CPED1: variants seen among roughly 807,000 people sequenced by gnomAD.
CPED1 encodes cadherin-like and PC-esterase domain-containing protein 1.
CPED1 carries 114 observed loss-of-function variants against 128.2 expected under a neutral mutation model. The observed-to-expected ratio is 0.89, with a 90% CI of 0.76 to 1.04. The LOEUF (loss-of-function observed/expected upper bound fraction) is 1.04. Ranked by LOEUF, CPED1 falls within the 50% of genes least tolerant of loss-of-function variation. The pLI, the probability that CPED1 is intolerant of heterozygous loss-of-function variation, is 0.00. For synonymous variants in CPED1, 462 were observed against 426.7 expected (o/e 1.08, Z -1.02); for missense variants, 1,211 against 1,207.1 (o/e 1.00, Z -0.05).
chr7:121,250,518 T>C lies in CPED1; in HGVS notation c.2310+6180T>C, dbSNP rs999805414. On this transcript the variant is annotated intron_variant, in intron 18 of 22. Transcript: ENST00000310396. ...GAGACACAAAAAACCCTTCAAAAAA[T>C]CAGTGAATCCAGGAGCTGGTTTTTT... 1.8e-4 allele frequency among the ~76,000 whole-genome samples: 28 copies of C among 152,018 alleles called. 1 individual carries two copies. Among genetic ancestry groups the C allele is most frequent in the Non-Finnish European group, 3.4e-4 (23 of 68,014 alleles).
At chr7:121,007,000 C>G (rs1470892219) in intron 2 of CPED1, among the ~76,000 whole-genome samples, 3 of 152,108 alleles carry the variant, frequency 2.0e-5, no homozygotes. Context: ...ACAATGAACA[C>G]CAGGCACAGG....
intron 22 of CPED1, among the ~76,000 whole-genome samples, chr7:121,293,242 C>T (rs1163827300): frequency 1.3e-5 from 2 of 152,174 alleles, no homozygotes; most frequent in African/African-American, 4.8e-5. Context: ...TCTAGAGAAG[C>T]AGACTGGCAC....
At chr7:121,126,732 G>A (rs798950) in intron 9 of CPED1, among the ~76,000 whole-genome samples, 120,852 of 151,754 alleles carry the variant, frequency 0.8, 48,776 homozygotes, top group East Asian at 0.96. Context: ...TTTTTTCATT[G>A]TTTTGCATGC....
chr7:121,055,573 T>C (rs1050127721), intron 4 of CPED1, among the ~76,000 whole-genome samples: 1 of 149,690 alleles, frequency 6.7e-6, no homozygotes, highest in African/African-American at 2.4e-5. Context: ...ATTATATGTG[T>C]AAAAATATAG....
At chr7:121,143,637 G>A (rs926135018) in intron 16 of CPED1, among the ~76,000 whole-genome samples, 71 of 151,994 alleles carry the variant, frequency 4.7e-4, no homozygotes, top group African/African-American at 1.6e-3. Flanking sequence ...TTGTATATTT[G>A]TGTATATTTG....
intron 16 of CPED1, among the ~76,000 whole-genome samples, chr7:121,197,118 CTTTTT>C (rs33936909): frequency 2.3e-5 from 3 of 128,404 alleles, no homozygotes; most frequent in African/African-American, 5.7e-5. Flanking sequence ...TAAAAATAAT[CTTTTT>C]TTTTTTTTTT....
At chr7:121,285,764 A>G (rs973711109) in intron 22 of CPED1, among the ~76,000 whole-genome samples, 2 of 152,152 alleles carry the variant, frequency 1.3e-5, no homozygotes, top group African/African-American at 4.8e-5. Flanking sequence ...GGAAGTTCCA[A>G]ACTTTCCCAT....
At chr7:121,000,807 T>C (rs897955630) in intron 2 of CPED1, among the ~76,000 whole-genome samples, 2 of 152,160 alleles carry the variant, frequency 1.3e-5, no homozygotes, top group African/African-American at 2.4e-5. Context: ...TTGGTCCAAA[T>C]TCCAGCTTTA....
chr7:120,990,388 A>G (rs919926385), intron 2 of CPED1, among the ~76,000 whole-genome samples: 5 of 152,200 alleles, frequency 3.3e-5, no homozygotes, highest in African/African-American at 1.2e-4. Context: ...AAGCATTAAA[A>G]TAATAGGATA....
At chr7:121,175,958 T>G in intron 16 of CPED1, among the ~76,000 whole-genome samples, 1 of 151,912 alleles carries the variant, frequency 6.6e-6, no homozygotes, top group East Asian at 1.9e-4. Context: ...AGAGAAACAG[T>G]GGCAGCAGGG....
intron 5 of CPED1, among the ~76,000 whole-genome samples, chr7:121,076,360 G>T (rs377009801): frequency 6.6e-6 from 1 of 152,098 alleles, no homozygotes; most frequent in Non-Finnish European, 1.5e-5. Context: ...TTTTAATATT[G>T]TCCATAAACT....
chr7:121,176,075 G>A (rs1456155815), intron 16 of CPED1, among the ~76,000 whole-genome samples: 1 of 151,394 alleles, frequency 6.6e-6, no homozygotes, highest in Non-Finnish European at 1.5e-5. Flanking sequence ...TAAATTACTT[G>A]AGGAATTAGT....
rs143232980 is a variant in CPED1 at position 121,259,253 on chromosome 7, A to C, written c.2311-6974A>C. Among the ~76,000 whole-genome samples the C allele has an allele frequency of 1.5e-3, 232 of 152,176 alleles. 3 individuals carry two copies. In the East Asian group the frequency reaches 0.036, roughly 24 times the overall value. ...TTCTAGTAATTTTGACCAGGAATCTAACCACACTTAATGGCCTGTGAGCAG... is the reference window on the plus strand; with the variant it reads ...TTCTAGTAATTTTGACCAGGAATCTCACCACACTTAATGGCCTGTGAGCAG... On this transcript the variant is annotated intron_variant, in intron 18 of 22. Transcript: ENST00000310396.
rs556479840 is a variant in CPED1, at chr7:121,068,432, T to C, written c.616+4119T>C. Among the ~76,000 whole-genome samples, 318 of 152,006 alleles carry C rather than the reference T, an allele frequency of 2.1e-3. 3 individuals are homozygous for C. The highest frequency in any genetic ancestry group is 0.015 in the East Asian group (79 of 5,158). On this transcript the variant is annotated intron_variant, in intron 5 of 22. Transcript: ENST00000310396. ...CAAAGATCAGATAGTTGTAGATATG[T>C]GGCATTATTTCTGAGGGCTCTGTTC...
rs188023744 is a variant in CPED1, at chr7:121,207,218, A to G, written c.2056-29496A>G. Among the ~76,000 whole-genome samples, 506 of 152,116 alleles carry G rather than the reference A, an allele frequency of 3.3e-3. 2 individuals carry two copies. The highest frequency in any genetic ancestry group is 0.011 in the African/African-American group (452 of 41,536). ...TCCTACAATGACCATCATCTTACAT[A>G]TAAATCTTTGTATTCTTGTACTCAT... On this transcript the variant is annotated intron_variant, in intron 16 of 22. Transcript: ENST00000310396.
chr7:121,201,109 A>T (rs1797385494), intron 16 of CPED1, among the ~76,000 whole-genome samples: 1 of 152,142 alleles, frequency 6.6e-6, no homozygotes, highest in South Asian at 2.1e-4. Context: ...GATACAAGGT[A>T]GGAGGAGGTG....
chr7:121,036,849 T>C (rs185846179), intron 3 of CPED1, among the ~76,000 whole-genome samples: 105 of 152,196 alleles, frequency 6.9e-4, no homozygotes, highest in African/African-American at 2.1e-3. Flanking sequence ...GAGTGAGGTG[T>C]TATCACATTG....
chr7:121,146,299 C>T (rs953644475), intron 16 of CPED1, among the ~76,000 whole-genome samples: 2 of 152,050 alleles, frequency 1.3e-5, no homozygotes, highest in Non-Finnish European at 2.9e-5. Context: ...TAGTTACCTC[C>T]AGCACTTTTA....
At chr7:121,054,470 G>A (rs1057269277) in intron 4 of CPED1, among the ~76,000 whole-genome samples, 2 of 152,030 alleles carry the variant, frequency 1.3e-5, no homozygotes, top group Admixed American at 6.6e-5. Context: ...AAAAGTGAAC[G>A]TTTTGTGTGT....
Sources: gnomAD v4.1 joint callset for allele counts (sites outside exome capture counted in the v4.1 genomes callset) on GRCh38, gnomAD v4.1.1 for gene constraint, MANE v1.5 for transcripts, NCBI Gene and HGNC (gene_info 2026-07-23, HGNC 2026-07-21) for gene names.